The following FGF12 variants were observed in gnomAD, a reference collection of about 807,000 sequenced individuals.
FGF12 encodes fibroblast growth factor 12, also known as fibroblast growth factor 12B.
In FGF12, 14 loss-of-function variants were observed where a neutral mutation model predicts 23.6. The observed-to-expected ratio is 0.59, with a 90% confidence interval of 0.39 to 0.93. FGF12 has a LOEUF of 0.93. FGF12 is among the 40% of genes least tolerant of loss of function. The probability of loss-of-function intolerance (pLI) is 0.00; values close to 1 mark genes in which losing one functional copy is unlikely to be tolerated. For missense variants in FGF12, 175 were observed against 217.8 expected, an observed-to-expected ratio of 0.80 and a Z score of 1.24; for synonymous variants, 62 against 77.3, an observed-to-expected ratio of 0.80 and a Z score of 1.04.
At chr3:192,464,540 G>C (rs1576998591) in intron 2 of FGF12, among the ~76,000 whole-genome samples, 1 of 146,904 alleles carries the variant, frequency 6.8e-6, no homozygotes, top group Admixed American at 6.8e-5. Context: ...GTGTGTGTGT[G>C]TGTGTATGAC....
chr3:192,724,552 A>G (rs1378770676), intron 2 of FGF12, among the ~76,000 whole-genome samples: 1 of 152,178 alleles, frequency 6.6e-6, no homozygotes, highest in African/African-American at 2.4e-5. Context: ...CAAGGCACAA[A>G]TTCCGTCAGA....
intron 2 of FGF12, among the ~76,000 whole-genome samples, chr3:192,604,462 G>A (rs941018469): frequency 6.6e-6 from 1 of 152,122 alleles, no homozygotes; most frequent in African/African-American, 2.4e-5. Context: ...CTCCGTTCAG[G>A]GTCCCTGACT....
chr3:192,223,822 A>G (rs1419451657), intron 4 of FGF12, among the ~76,000 whole-genome samples: 1 of 152,160 alleles, frequency 6.6e-6, no homozygotes, highest in East Asian at 1.9e-4. Context: ...ACTAAACAAT[A>G]TAATGATATT....
intron 4 of FGF12, among the ~76,000 whole-genome samples, chr3:192,210,963 T>G (rs1052159266): frequency 6.6e-6 from 1 of 152,214 alleles, no homozygotes; most frequent in African/African-American, 2.4e-5. Context: ...GGTTAGATCC[T>G]GTAAGCCATT....
chr3:192,141,127 C>CAAAAAAAAAAAAAAAAAAAAA lies in FGF12; in HGVS notation c.*2881_*2882insTTTTTTTTTTTTTTTTTTTTT, dbSNP rs1396299359. ...TCCTGGGAAAAATCCCAATGCAACT[C>CAAAAAAAAAAAAAAAAAAAAA]CAAAAAAAAAAAAAAAAAAAAAAAA... On this transcript the variant is annotated 3_prime_UTR_variant, in exon 6 of 6. Coordinates refer to ENST00000445105, the MANE Select transcript of FGF12 (RefSeq NM_004113.6). 325 of 21,810 alleles carry CAAAAAAAAAAAAAAAAAAAAA rather than the reference C, an allele frequency of 0.015. 30 individuals carry two copies. The highest frequency in any genetic ancestry group is 0.077 in the Middle Eastern group (2 of 26). The allele number at this position is 21,810 out of a possible 1,614,324, so 1.4% of individuals were successfully genotyped here. A position where few individuals can be genotyped will look rare whatever the true frequency, so the allele number is the denominator to read the frequency against.
At chr3:192,636,808 A>G (rs778722275) in intron 2 of FGF12, among the ~76,000 whole-genome samples, 15 of 152,204 alleles carry the variant, frequency 9.9e-5, no homozygotes, top group Non-Finnish European at 1.5e-4. Context: ...CCAAAATGCT[A>G]TATGTGTATC....
intron 3 of FGF12, among the ~76,000 whole-genome samples, chr3:192,337,573 G>T (rs1312282021): frequency 6.6e-6 from 1 of 152,182 alleles, no homozygotes; most frequent in Non-Finnish European, 1.5e-5. Flanking sequence ...CAACAACACA[G>T]ATTATGAGAT....
Position 192,608,740 on chromosome 3 carries a change from C to T in FGF12, c.13+118441G>A, listed in dbSNP as rs184475316. Among the ~76,000 whole-genome samples the T allele has an allele frequency of 1.8e-4, 27 of 152,180 alleles. No homozygotes were observed. In the East Asian group the frequency reaches 3.5e-3, roughly 20 times the overall value. ...TTACTGTGAACCTCAAAATTGCTGA[C>T]GGTTAAATAATTCAGCCCTCTGGGA... is the stretch of plus-strand genomic sequence containing the variant. On this transcript the variant is annotated intron_variant, in intron 2 of 5. Coordinates refer to ENST00000445105, the MANE Select transcript of FGF12 (RefSeq NM_004113.6).
chr3:192,295,788 T>G (rs1714995212), intron 4 of FGF12, among the ~76,000 whole-genome samples: 1 of 152,244 alleles, frequency 6.6e-6, no homozygotes. Context: ...AGACTATTTT[T>G]ATCACAAACA....
intron 4 of FGF12, among the ~76,000 whole-genome samples, chr3:192,257,220 A>T (rs561884019): frequency 1.7e-4 from 26 of 152,290 alleles, no homozygotes; most frequent in African/African-American, 6.3e-4. Flanking sequence ...GGGTAATTTT[A>T]TCAGTATCAA....
In FGF12 at chr3:192,495,123, T is replaced by C. The variant is rs190840863; in HGVS notation, c.14-134585A>G. Among the ~76,000 whole-genome samples, 171 of 152,270 alleles carry C rather than the reference T, an allele frequency of 1.1e-3. 1 individual carries two copies. The highest frequency in any genetic ancestry group is 3.9e-3 in the African/African-American group (163 of 41,572). ...ATCCACCCACCTCAGCCTCCCAAAG[T>C]GCTGGGATTACAGGCGTGAGCCACT... On this transcript the variant is annotated intron_variant, in intron 2 of 5. Coordinates refer to ENST00000445105, the MANE Select transcript of FGF12 (RefSeq NM_004113.6).
At chr3:192,678,334 G>A (rs1284099528) in intron 2 of FGF12, among the ~76,000 whole-genome samples, 1 of 152,200 alleles carries the variant, frequency 6.6e-6, no homozygotes, top group Admixed American at 6.5e-5. Flanking sequence ...TGACTGCAGA[G>A]CTCATGCTTA....
At chr3:192,693,719 G>C (rs914291160) in intron 2 of FGF12, among the ~76,000 whole-genome samples, 20 of 151,960 alleles carry the variant, frequency 1.3e-4, no homozygotes, top group African/African-American at 4.6e-4. Flanking sequence ...AATAAAATCA[G>C]AACCTTATCT....
chr3:192,579,973 C>T (rs188510000), intron 2 of FGF12, among the ~76,000 whole-genome samples: 202 of 152,218 alleles, frequency 1.3e-3, no homozygotes, highest in Non-Finnish European at 2.4e-3. Flanking sequence ...TACTGAGGGC[C>T]GTTTCCTGGG....
intron 4 of FGF12, among the ~76,000 whole-genome samples, chr3:192,332,514 A>G (rs1278447322): frequency 1.3e-5 from 2 of 152,118 alleles, no homozygotes; most frequent in Non-Finnish European, 2.9e-5. Flanking sequence ...CTCATCTATT[A>G]AAACACAAAA....
intron 2 of FGF12, among the ~76,000 whole-genome samples, chr3:192,388,896 A>T (rs1720170183): frequency 6.6e-6 from 1 of 152,132 alleles, no homozygotes; most frequent in Admixed American, 6.5e-5. Flanking sequence ...TATGAAATAT[A>T]AAGTGGTGCC....
intron 2 of FGF12, among the ~76,000 whole-genome samples, chr3:192,620,906 T>C (rs1033386870): frequency 1.3e-5 from 2 of 152,130 alleles, no homozygotes; most frequent in Admixed American, 6.6e-5. Flanking sequence ...TCTACGTATA[T>C]ACCAGTATGA....
At chr3:192,228,267 T>C (rs1718840803) in intron 4 of FGF12, among the ~76,000 whole-genome samples, 1 of 152,084 alleles carries the variant, frequency 6.6e-6, no homozygotes, top group Admixed American at 6.6e-5. Flanking sequence ...TAAAAAATTA[T>C]TTGTCAATTA....
chr3:192,523,869 G>A (rs185645461), intron 2 of FGF12, among the ~76,000 whole-genome samples: 30 of 152,296 alleles, frequency 2.0e-4, no homozygotes, highest in African/African-American at 4.6e-4. Flanking sequence ...TCTGATTGCC[G>A]AGGAGGGATG....
Sources: gnomAD v4.1 joint callset for allele counts (sites outside exome capture counted in the v4.1 genomes callset) on GRCh38, gnomAD v4.1.1 for gene constraint, MANE v1.5 for transcripts, NCBI Gene and HGNC (gene_info 2026-07-23, HGNC 2026-07-21) for gene names.